Variants in EYS observed in about 807,000 individuals in gnomAD.
EYS encodes protein eyes shut homolog.
EYS carries 250 observed loss-of-function variants against 282.1 expected under a neutral mutation model. That is an observed-to-expected ratio of 0.89 (90% CI 0.80 to 0.98). EYS has a LOEUF of 0.98. EYS is among the 50% of genes least tolerant of loss of function. The pLI is 0.00. For synonymous variants in EYS, 1,355 were observed against 1,282.9 expected (o/e 1.06, Z -1.20); for missense variants, 4,016 against 3,709.0 (o/e 1.08, Z -2.15).
At chr6:65,177,167 A>C (rs1765245950) in intron 12 of EYS, among the ~76,000 whole-genome samples, 1 of 151,798 alleles carries the variant, frequency 6.6e-6, no homozygotes, top group Non-Finnish European at 1.5e-5. Context: ...GACTATATTC[A>C]AAAATCTTTG....
chr6:64,104,816 AT>A (rs1478219560), intron 31 of EYS, among the ~76,000 whole-genome samples: 1 of 150,590 alleles, frequency 6.6e-6, no homozygotes, highest in Non-Finnish European at 1.5e-5. Context: ...ATTCCCACTA[AT>A]CCTGTTTAGT....
intron 12 of EYS, among the ~76,000 whole-genome samples, chr6:65,159,924 A>G (rs1000734351): frequency 6.6e-6 from 1 of 151,066 alleles, no homozygotes; most frequent in African/African-American, 2.4e-5. Context: ...ATGAACAATT[A>G]GAAATGAGAG....
intron 11 of EYS, among the ~76,000 whole-genome samples, chr6:65,297,275 T>G (rs1033789448): frequency 4.6e-5 from 7 of 151,910 alleles, no homozygotes; most frequent in African/African-American, 1.7e-4. Flanking sequence ...AACATTAGCA[T>G]ATAAATATGT....
intron 12 of EYS, among the ~76,000 whole-genome samples, chr6:65,228,814 A>G (rs686554): frequency 0.33 from 50,468 of 151,912 alleles, 9,628 homozygotes; most frequent in African/African-American, 0.52. Context: ...AGAGAGAAAG[A>G]CACACTTGTT....
At chr6:63,740,488 A>G (rs1218087548) in intron 41 of EYS, among the ~76,000 whole-genome samples, 1 of 152,218 alleles carries the variant, frequency 6.6e-6, no homozygotes, top group South Asian at 2.1e-4. Flanking sequence ...AAAATGGACT[A>G]ATACAGATCC....
At chr6:65,102,917 A>G (rs943242990) in intron 12 of EYS, among the ~76,000 whole-genome samples, 3 of 151,422 alleles carry the variant, frequency 2.0e-5, no homozygotes, top group African/African-American at 7.3e-5. Flanking sequence ...AAATTTGTTC[A>G]ATTGCAGATG....
intron 33 of EYS, among the ~76,000 whole-genome samples, chr6:64,043,422 C>T (rs1001052373): frequency 6.6e-6 from 1 of 152,214 alleles, no homozygotes; most frequent in African/African-American, 2.4e-5. Context: ...GCGTGTCACA[C>T]GCAGGTCATG....
chr6:64,625,249 T>C (rs768485603), intron 23 of EYS, among the ~76,000 whole-genome samples: 5 of 152,180 alleles, frequency 3.3e-5, no homozygotes, highest in Non-Finnish European at 7.3e-5. Flanking sequence ...CAATCACTTA[T>C]ATCAATATAG....
At position 63,720,282 on chromosome 6, in the gene EYS, C is replaced by T. The variant is rs1004843983; in HGVS notation, c.*314G>A. 27 of 360,564 alleles carry T rather than the reference C, an allele frequency of 7.5e-5. No homozygotes were observed. The Admixed American group carries it at 1.1e-3, about 15-fold the overall frequency. 22.3% of individuals were successfully genotyped at this position (360,564 alleles called of 1,614,324 possible). On this transcript the variant is annotated 3_prime_UTR_variant, in exon 43 of 43. Transcript: ENST00000503581. The stretch of plus-strand genomic sequence containing the variant: ...ATTGATTTTTAAAATTGTGTTTACA[C>T]GTTGATTTTAAAATGTAAGCATTAG...
chr6:65,458,613 T>C (rs1038670996), intron 5 of EYS, among the ~76,000 whole-genome samples: 2 of 152,182 alleles, frequency 1.3e-5, no homozygotes, highest in African/African-American at 4.8e-5. Context: ...TTTCTGTTAA[T>C]AGAATTGCTC....
chr6:64,101,379 C>T (rs1772820782), intron 31 of EYS, among the ~76,000 whole-genome samples: 1 of 152,062 alleles, frequency 6.6e-6, no homozygotes, highest in South Asian at 2.1e-4. Flanking sequence ...CTTAAAAGCA[C>T]AGACGAATCA....
intron 26 of EYS, among the ~76,000 whole-genome samples, chr6:64,477,014 AAAAG>A (rs558427207): frequency 2.3e-3 from 344 of 152,246 alleles, no homozygotes; most frequent in African/African-American, 7.9e-3. Context: ...TAATATGACA[AAAAG>A]AAAGAAGATT....
At chr6:64,239,168 G>T (rs1009584582) in intron 30 of EYS, among the ~76,000 whole-genome samples, 4 of 152,178 alleles carry the variant, frequency 2.6e-5, no homozygotes, top group African/African-American at 9.7e-5. Context: ...GGGCATTTGG[G>T]TTGGTTCCAA....
intron 41 of EYS, among the ~76,000 whole-genome samples, chr6:63,735,529 T>A (rs868758031): frequency 1.8e-4 from 28 of 151,716 alleles, no homozygotes; most frequent in African/African-American, 6.5e-4. Context: ...TACTTATTAT[T>A]AGACCTTTTT....
chr6:65,678,181 C>A (rs529256217), intron 1 of EYS, among the ~76,000 whole-genome samples: 3 of 151,980 alleles, frequency 2.0e-5, no homozygotes, highest in Admixed American at 6.6e-5. Flanking sequence ...AACTAGATCT[C>A]GTGTGAACTC....
chr6:64,435,214 C>A (rs1038857964), intron 28 of EYS, among the ~76,000 whole-genome samples: 1 of 151,880 alleles, frequency 6.6e-6, no homozygotes, highest in Non-Finnish European at 1.5e-5. Flanking sequence ...TCTCAGAGTT[C>A]TTAAAATGTT....
At chr6:63,946,032 G>C (rs892392637) in intron 35 of EYS, among the ~76,000 whole-genome samples, 3 of 149,214 alleles carry the variant, frequency 2.0e-5, no homozygotes, top group Admixed American at 1.3e-4. Context: ...GCCACTAAAC[G>C]CTATAAATGT....
chr6:64,333,312 C>G (rs987764118), intron 29 of EYS, among the ~76,000 whole-genome samples: 1 of 152,226 alleles, frequency 6.6e-6, no homozygotes, highest in South Asian at 2.1e-4. Flanking sequence ...AATAAAGGGC[C>G]TATCTCCATA....
chr6:64,814,412 A>G (rs902597768), intron 21 of EYS, among the ~76,000 whole-genome samples: 1 of 152,046 alleles, frequency 6.6e-6, no homozygotes, highest in African/African-American at 2.4e-5. Flanking sequence ...CTTAAACGTC[A>G]TATGTGATCA....
Sources: allele counts gnomAD v4.1 joint callset (sites outside exome capture counted in the v4.1 genomes callset), GRCh38; gene constraint gnomAD v4.1.1; transcripts MANE v1.5; gene names NCBI Gene and HGNC (gene_info 2026-07-23, HGNC 2026-07-21).